IFT172: variants seen among roughly 807,000 people sequenced by gnomAD.
IFT172 encodes the protein intraflagellar transport protein 172 homolog.
In IFT172, 164 loss-of-function variants were observed where a neutral mutation model predicts 248.9. That is an observed-to-expected ratio of 0.66 (90% confidence interval 0.58 to 0.75). The LOEUF (loss-of-function observed/expected upper bound fraction) is 0.75. Ranked by LOEUF, IFT172 falls within the 30% of genes least tolerant of loss-of-function variation. IFT172 has a pLI of 0.00. For missense variants in IFT172, 1,950 were observed against 2,192.4 expected (o/e 0.89, Z 2.21); for synonymous variants, 729 against 791.6 (o/e 0.92, Z 1.33).
intron 40 of IFT172, 131 bp downstream of exon 40, chr2:27,448,784 G>A (rs1383404391): frequency 2.8e-5 from 19 of 686,202 alleles, no homozygotes; most frequent in South Asian, 2.2e-4. Flanking sequence ...CTGGAGATGC[G>A]TGGGGGGCTC....
rs149277873 is a variant in IFT172 at position 27,451,380 on chromosome 2, C to T, written c.3952-1284G>A. ...TATATCAGATGCTTATTCAATACTG[C>T]TGATTAAAATCTGCTAGAACCTCAA... On this transcript the variant is annotated intron_variant, in intron 35 of 47. Transcript: ENST00000260570. Among the ~76,000 whole-genome samples the T allele has an allele frequency of 1.6e-4, 25 of 152,304 alleles. No individual in the cohort carries two copies. In the East Asian group the frequency reaches 2.9e-3, roughly 18 times the overall value.
chr2:27,448,175 C>G (rs1403923002), intron 40 of IFT172, among the ~76,000 whole-genome samples: 1 of 152,168 alleles, frequency 6.6e-6, no homozygotes, highest in Non-Finnish European at 1.5e-5. Context: ...TCTCGGCTCA[C>G]TGCAAGCTCT....
intron 41 of IFT172, 58 bp downstream of exon 41, chr2:27,447,753 TG>T (rs1184645451): frequency 3.1e-6 from 5 of 1,601,232 alleles, no homozygotes; most frequent in Non-Finnish European, 4.3e-6. Flanking sequence ...TAAAGGTTTA[TG>T]TGCATCAAAG....
rs771534291 is a variant in IFT172, at chr2:27,479,499, T to A, written c.1005+10A>T. ...AAGTTCTCAGTGCAGTAGGCTACCA[T>A]CCTGCTTACCTGGCTAGGTCCCACA... On this transcript the variant is annotated intron_variant, in intron 10 of 47. Transcript: ENST00000260570. The A allele has an allele frequency of 1.0e-5, 16 of 1,524,686 alleles. No individual in the cohort carries two copies. Among genetic ancestry groups the A allele is most frequent in the Admixed American group, 8.3e-5 (5 of 59,902 alleles). The allele number at this position is 1,524,686 out of a possible 1,614,324, so 94.4% of individuals were successfully genotyped here.
intron 18 of IFT172, 119 bp downstream of exon 18, chr2:27,465,292 G>T (rs1317046097): frequency 3.8e-6 from 3 of 782,606 alleles, no homozygotes; most frequent in Non-Finnish European, 6.7e-6. Context: ...TATGCTATTT[G>T]CTGGCAGTGG....
Position 27,459,516 on chromosome 2 carries a change from G to A in IFT172, c.2649C>T (p.Ser883=), listed in dbSNP as rs753972594. The change falls in exon 25 of 48, where the codon TCC becomes TCT. Residue 883 remains serine, a synonymous_variant. Coordinates refer to ENST00000260570, the MANE Select transcript of IFT172 (RefSeq NM_015662.3). ...AINHYIEARC[S]IKAIEAALGA... is the part of the protein sequence containing the mutation. ...CCAGGGCGGCCTCAATTGCCTTAAT[G>A]GAGCACCTGGCAAAGTTGGGAAAGA... 6.2e-7 allele frequency: 1 copy of A among 1,614,048 alleles called. No homozygotes were observed. Among genetic ancestry groups the A allele is most frequent in the Non-Finnish European group, 8.5e-7 (1 of 1,179,978 alleles).
In IFT172 at chr2:27,461,014, C is replaced by G; in HGVS notation, c.2521+1G>C. On this transcript the variant is annotated splice_donor_variant, in intron 23 of 47. Transcript: ENST00000260570. LOFTEE classifies it high-confidence loss of function. ...AAGGATGGCTTATAGGTGGCTAGTA[C>G]CTTTCATGAATGCGTTGCCTTTACG... The G allele has an allele frequency of 1.2e-6, 2 of 1,614,150 alleles. No individual in the cohort carries two copies. Among genetic ancestry groups the G allele is most frequent in the Non-Finnish European group, 1.7e-6 (2 of 1,180,018 alleles).
At chr2:27,468,657 G>A (rs74908286) in intron 16 of IFT172, among the ~76,000 whole-genome samples, 1 of 151,044 alleles carries the variant, frequency 6.6e-6, no homozygotes, top group Non-Finnish European at 1.5e-5. Context: ...AGACCATCCT[G>A]GCTAACACGG....
In IFT172 at chr2:27,454,861, G is replaced by A. The variant is rs1666023278; in HGVS notation, c.3372-201C>T. Reference sequence around the variant, plus strand: ...CTGTGAAGACCATGTCACTGTCAGCGTGGATCAAGAGACGTCTGGAAAAGC... The same window carrying A: ...CTGTGAAGACCATGTCACTGTCAGCATGGATCAAGAGACGTCTGGAAAAGC... On this transcript the variant is annotated intron_variant, in intron 30 of 47. Coordinates refer to ENST00000260570, the MANE Select transcript of IFT172 (RefSeq NM_015662.3). The surrounding 1 kb of genome is among the most constrained non-coding windows in gnomAD (Gnocchi z 4.2). Among the ~76,000 whole-genome samples, 1 of 152,164 alleles carries A rather than the reference G, an allele frequency of 6.6e-6. No homozygotes were observed. Among genetic ancestry groups the A allele is most frequent in the South Asian group, 2.1e-4 (1 of 4,828 alleles).
chr2:27,481,818 C>T (rs577629425), intron 7 of IFT172, among the ~76,000 whole-genome samples: 3 of 151,628 alleles, frequency 2.0e-5, no homozygotes, highest in South Asian at 2.1e-4. Context: ...GGATCACAGG[C>T]GTGAGCCACC....
In IFT172 at chr2:27,453,462, C is replaced by G; in HGVS notation, c.3873G>C (p.Glu1291Asp). 1 of 1,614,148 alleles carries G rather than the reference C, an allele frequency of 6.2e-7. No homozygotes were observed. Among genetic ancestry groups the G allele is most frequent in the Non-Finnish European group, 8.5e-7 (1 of 1,179,980 alleles). Residue 1291 changes from glutamate (E) to aspartate (D), a missense_variant, in exon 35 of 48, where the codon GAG (glutamate) becomes GAC (aspartate). Physicochemically the swap from Glu to Asp is conservative, Grantham distance 45. This residue lies in a region of IFT172 where 620 missense variants were observed against 699.0 expected (regional missense o/e 0.89). Coordinates refer to ENST00000260570, the MANE Select transcript of IFT172 (RefSeq NM_015662.3). ...EQARHWEQAG[E>D]YSRAVDCYLK... ...GGTAGCAGTCCACGGCACGGCTGTA[C>G]TCTCCAGCCTGCTCCCAGTGTCGAG... is the stretch of plus-strand genomic sequence containing the variant.
At chr2:27,471,284 CCATAGA>C in intron 15 of IFT172, 189 bp from the exon 16 acceptor site, 1 of 498,380 alleles carries the variant, frequency 2.0e-6, no homozygotes, top group Non-Finnish European at 3.5e-6. Context: ...AAGAGATGAC[CCATAGA>C]ACAAAGATCT....
chr2:27,449,290 G>C lies in IFT172; in HGVS notation c.4311+4C>G. On this transcript the variant is annotated splice_donor_region_variant and intron_variant, in intron 39 of 47. Coordinates refer to ENST00000260570, the MANE Select transcript of IFT172 (RefSeq NM_015662.3). Reference sequence around the variant, plus strand: ...AAAAACTGGGAATGGGAAGAGAGCAGTACCTGCTTGGTAGCTGTTTCAATG... The same window carrying C: ...AAAAACTGGGAATGGGAAGAGAGCACTACCTGCTTGGTAGCTGTTTCAATG... 6.2e-7 allele frequency: 1 copy of C among 1,614,154 alleles called. No individual in the cohort carries two copies. Among genetic ancestry groups the C allele is most frequent in the Non-Finnish European group, 8.5e-7 (1 of 1,180,032 alleles).
At chr2:27,489,526 G>T in intron 1 of IFT172, 89 bp downstream of exon 1, 2 of 953,178 alleles carry the variant, frequency 2.1e-6, no homozygotes, top group Non-Finnish European at 3.4e-6. Context: ...TCTGCACACA[G>T]TAGGAGGTCA....
At position 27,445,193 on chromosome 2, in the gene IFT172, G is replaced by A. The variant is rs1213727927; in HGVS notation, c.5069-88C>T. 2 of 1,592,298 alleles carry A rather than the reference G, an allele frequency of 1.3e-6. No homozygotes were observed. The highest frequency in any genetic ancestry group is 1.7e-6 in the Non-Finnish European group (2 of 1,167,210). On this transcript the variant is annotated intron_variant, in intron 46 of 47. Transcript: ENST00000260570. This position sits in a 1 kb window ranked among gnomAD's most constrained non-coding sequence, Gnocchi z 4.4. ...AGCAGCCTGGGGGGTAGAAAGCACAGTCCTGTCTTTTGTACCCTTTACTGA... is the reference window on the plus strand; with the variant it reads ...AGCAGCCTGGGGGGTAGAAAGCACAATCCTGTCTTTTGTACCCTTTACTGA...
At chr2:27,475,776 TC>T (rs1170516116) in intron 14 of IFT172, among the ~76,000 whole-genome samples, 1 of 113,926 alleles carries the variant, frequency 8.8e-6, no homozygotes, top group Non-Finnish European at 1.7e-5. Context: ...AGAGTCCCAT[TC>T]TTTTTTTTTT....
At position 27,450,087 on chromosome 2, in the gene IFT172, G is replaced by C; in HGVS notation, c.3961C>G (p.Leu1321Val). Reference protein sequence around the residue: ...AEKCWMKAAELSIKFLPPQRN... With the variant: ...AEKCWMKAAEVSIKFLPPQRN... ...TGGGGAGGCAGAAACTTGATGGAGA[G>C]TTCAGCTGCCTGAGTGGTTGAACAG... The change falls in exon 36 of 48, where the codon CTC becomes GTC. Residue 1321 changes from leucine (L) to valine (V), a missense_variant. Physicochemically the swap from Leu to Val is conservative, Grantham distance 32. Transcript: ENST00000260570. The C allele has an allele frequency of 1.2e-6, 2 of 1,613,782 alleles. No individual in the cohort carries two copies. The highest frequency in any genetic ancestry group is 8.5e-7 in the Non-Finnish European group (1 of 1,179,652).
At chr2:27,466,102 G>A (rs1667072698) in intron 16 of IFT172, 2 of 562,992 alleles carry the variant, frequency 3.6e-6, no homozygotes, top group Non-Finnish European at 6.3e-6. Flanking sequence ...CCAACTCTTG[G>A]AGGTATAAAG....
intron 42 of IFT172, among the ~76,000 whole-genome samples, chr2:27,447,257 G>A (rs999573132): frequency 1.3e-5 from 2 of 152,220 alleles, no homozygotes; most frequent in African/African-American, 4.8e-5. Context: ...CATTATAAGA[G>A]GTGAATAAAG....
Sources: allele counts gnomAD v4.1 joint callset (sites outside exome capture counted in the v4.1 genomes callset), GRCh38; gene constraint gnomAD v4.1.1; regional missense constraint gnomAD v4.1.1; non-coding constraint Gnocchi (gnomAD v3.1); transcripts MANE v1.5; gene names NCBI Gene and HGNC (gene_info 2026-07-23, HGNC 2026-07-21).